The following MORF4L1 variants were observed in gnomAD, a reference collection of about 807,000 sequenced individuals.
MORF4L1 encodes mortality factor 4 like 1, also known as mortality factor 4-like protein 1.
Under a neutral mutation model 52.9 loss-of-function variants are expected in MORF4L1, and 4 were observed. The ratio of observed to expected loss-of-function variants is 0.08; its 90% CI spans 0.04 to 0.17. MORF4L1 has a LOEUF of 0.17. Among genes scored for constraint, MORF4L1 ranks in the 10% least tolerant of loss-of-function variants. The pLI, the probability that MORF4L1 is intolerant of heterozygous loss-of-function variation, is 1.00. For missense variants in MORF4L1, 214 were observed against 390.4 expected, an observed-to-expected ratio of 0.55 and a Z score of 3.81; for synonymous variants, 123 against 134.8, an observed-to-expected ratio of 0.91 and a Z score of 0.61.
rs776004758 is a variant in MORF4L1 at position 78,894,028 on chromosome 15, A to G, written c.630-30A>G. On this transcript the variant is annotated intron_variant, in intron 9 of 11. Coordinates refer to ENST00000426013, the MANE Select transcript of MORF4L1 (RefSeq NM_006791.4). The stretch of plus-strand genomic sequence containing the variant: ...TCTATGTCAGTTATTTTTATTGACC[A>G]GTTTTGGAATATTTTTGTTCATTTA... The G allele has an allele frequency of 5.1e-6, 8 of 1,579,270 alleles. No individual in the cohort carries two copies. The East Asian group carries it at 1.6e-4, about 31-fold the overall frequency.
intron 3 of MORF4L1, chr15:78,885,165 A>G: frequency 1.8e-6 from 2 of 1,132,784 alleles, no homozygotes; most frequent in Non-Finnish European, 2.6e-6. Context: ...TGTATTATAT[A>G]AGAGGTCAGA....
chr15:78,891,466 C>G lies in MORF4L1; in HGVS notation c.350-18C>G. The G allele has an allele frequency of 6.2e-7, 1 of 1,602,496 alleles. No individual in the cohort carries two copies. Among genetic ancestry groups the G allele is most frequent in the South Asian group, 1.1e-5 (1 of 90,826 alleles). ...GTTAAATTAGCTAAATGAGACCCCTCCCCGCCAACATTTACAGCACCTGGA... is the reference window on the plus strand; with the variant it reads ...GTTAAATTAGCTAAATGAGACCCCTGCCCGCCAACATTTACAGCACCTGGA... On this transcript the variant is annotated intron_variant, in intron 6 of 11. Coordinates refer to ENST00000426013, the MANE Select transcript of MORF4L1 (RefSeq NM_006791.4).
chr15:78,873,294 C>G (rs1222825015), intron 1 of MORF4L1: 2 of 1,310,392 alleles, frequency 1.5e-6, no homozygotes, highest in African/African-American at 3.1e-5. Flanking sequence ...GAGCGTTTGG[C>G]GCGTGGCACA....
intron 5 of MORF4L1, chr15:78,890,777 T>G (rs1402593817): frequency 2.7e-6 from 1 of 364,272 alleles, no homozygotes; most frequent in African/African-American, 2.2e-5. Context: ...CCACTGCGCC[T>G]GGCTTGGTTT....
intron 3 of MORF4L1, among the ~76,000 whole-genome samples, chr15:78,883,846 G>C (rs2056645435): frequency 6.6e-6 from 1 of 152,152 alleles, no homozygotes; most frequent in Non-Finnish European, 1.5e-5. Context: ...TGTGTATTTA[G>C]TCTATGTAAG....
intron 3 of MORF4L1, among the ~76,000 whole-genome samples, chr15:78,885,626 TTG>T (rs1469611243): frequency 6.6e-6 from 1 of 152,212 alleles, no homozygotes; most frequent in African/African-American, 2.4e-5. Flanking sequence ...TAGTGTTGTT[TTG>T]TGTCAGGGAT....
chr15:78,875,523 C>G (rs1376235625), intron 1 of MORF4L1, among the ~76,000 whole-genome samples: 1 of 152,128 alleles, frequency 6.6e-6, no homozygotes, highest in African/African-American at 2.4e-5. Flanking sequence ...AATCCCAGCA[C>G]TTTGGGAGGC....
At chr15:78,896,883 G>A (rs891484617) in intron 11 of MORF4L1, 100 bp from the exon 12 acceptor site, 4 of 834,180 alleles carry the variant, frequency 4.8e-6, no homozygotes, top group East Asian at 2.8e-5. Context: ...ATGTATTTTA[G>A]GAAAGTGTTT....
chr15:78,884,088 C>T (rs1055741374), intron 3 of MORF4L1, among the ~76,000 whole-genome samples: 1 of 151,728 alleles, frequency 6.6e-6, no homozygotes, highest in African/African-American at 2.4e-5. Flanking sequence ...CCTGTAATCC[C>T]AGCTAGTTTG....
Position 78,884,659 on chromosome 15 carries a change from ATACACAC to A in MORF4L1, c.156-1481_156-1475del, listed in dbSNP as rs1378981787. ...TGTCTCAAAAAAAAAAAAAAAAAAA[ATACACAC>A]ACACACACACACACACACACAAATA... On this transcript the variant is annotated intron_variant, in intron 3 of 11. Coordinates refer to ENST00000426013, the MANE Select transcript of MORF4L1 (RefSeq NM_006791.4). Among the ~76,000 whole-genome samples, 468 of 62,220 alleles carry A rather than the reference ATACACAC, an allele frequency of 7.5e-3. 13 individuals are homozygous for A. The East Asian group carries it at 0.088, about 12-fold the overall frequency. The allele number at this position is 62,220 out of a possible 152,430, so 40.8% of individuals were successfully genotyped here. A position where few individuals can be genotyped will look rare whatever the true frequency, so the allele number is the denominator to read the frequency against.
intron 3 of MORF4L1, among the ~76,000 whole-genome samples, chr15:78,882,092 G>A (rs772090952): frequency 7.9e-5 from 12 of 152,208 alleles, no homozygotes; most frequent in Non-Finnish European, 1.5e-4. Context: ...TGGAAAGGTA[G>A]AAATCTGAAA....
In MORF4L1 at chr15:78,872,944, G is replaced by A; in HGVS notation, c.-74G>A. ...TGCCTGACGGCGCGTCTGACGCGGA[G>A]TTGGGTGGGGTAGAGAGTAGGGGGC... On this transcript the variant is annotated 5_prime_UTR_variant, in exon 1 of 12. Coordinates refer to ENST00000426013, the MANE Select transcript of MORF4L1 (RefSeq NM_006791.4). The A allele has an allele frequency of 1.3e-6, 2 of 1,520,254 alleles. No homozygotes were observed. Among genetic ancestry groups the A allele is most frequent in the Non-Finnish European group, 1.8e-6 (2 of 1,135,430 alleles). 94.2% of individuals were successfully genotyped at this position (1,520,254 alleles called of 1,614,324 possible). A position where few individuals can be genotyped will look rare whatever the true frequency, so the allele number is the denominator to read the frequency against.
chr15:78,874,068 G>A, intron 1 of MORF4L1: 1 of 152,244 alleles, frequency 6.6e-6, no homozygotes, highest in Non-Finnish European at 1.5e-5. Flanking sequence ...CTGACTCCCA[G>A]TGGAAGGCAG....
chr15:78,896,784 A>G (rs1374964469), intron 11 of MORF4L1, among the ~76,000 whole-genome samples, 199 bp from the exon 12 acceptor site: 1 of 152,134 alleles, frequency 6.6e-6, no homozygotes, highest in Non-Finnish European at 1.5e-5. Context: ...ATTCCTTTGT[A>G]TATGTATAGT....
At position 78,880,537 on chromosome 15, in the gene MORF4L1, A is replaced by G; in HGVS notation, c.113A>G (p.Lys38Arg). 1.9e-6 allele frequency: 3 copies of G among 1,602,484 alleles called. No homozygotes were observed. The highest frequency in any genetic ancestry group is 2.6e-6 in the Non-Finnish European group (3 of 1,174,908). Residue 38 changes from lysine (K) to arginine (R), a missense_variant, in exon 3 of 12, where the codon AAA becomes AGA. Lys to Arg is a conservative substitution (Grantham distance 26). Coordinates refer to ENST00000426013, the MANE Select transcript of MORF4L1 (RefSeq NM_006791.4). ...AKCVKVAIKD[K>R]QVKYFIHYSG... Reference sequence around the variant, plus strand: ...TGTGTAAAGGTTGCCATAAAGGACAAACAAGTGAAATACTTCATACATTAC... The same window carrying G: ...TGTGTAAAGGTTGCCATAAAGGACAGACAAGTGAAATACTTCATACATTAC...
chr15:78,873,032 G>A lies in MORF4L1; in HGVS notation c.15G>A (p.Gln5=), dbSNP rs185623329. ...ATCACTTATAAATGGCGCCGAAGCA[G>A]GACCCGAAGCCTAAATTCCAGGAGG... MAPK[Q]DPKPKFQEGE... is the part of the protein sequence containing the mutation. The change falls in exon 1 of 12, where the codon CAG becomes CAA. Residue 5 remains glutamine (Q), a synonymous_variant. Coordinates refer to ENST00000426013, the MANE Select transcript of MORF4L1 (RefSeq NM_006791.4). 37 of 1,552,882 alleles carry A rather than the reference G, an allele frequency of 2.4e-5. No homozygotes were observed. The East Asian group carries it at 7.7e-4, about 32-fold the overall frequency.
rs1402022725 is a variant in MORF4L1 at position 78,894,981 on chromosome 15, A to G, written c.887+77A>G. 9.4e-6 allele frequency: 11 copies of G among 1,172,366 alleles called. No individual in the cohort carries two copies. In the African/African-American group the frequency reaches 1.5e-4, roughly 16 times the overall value. The allele number at this position is 1,172,366 out of a possible 1,614,324, so 72.6% of individuals were successfully genotyped here. A position where few individuals can be genotyped will look rare whatever the true frequency, so the allele number is the denominator to read the frequency against. On this transcript the variant is annotated intron_variant, in intron 11 of 11. Coordinates refer to ENST00000426013, the MANE Select transcript of MORF4L1 (RefSeq NM_006791.4). ...GGGAGGGATTGGCAGTATAGATGCT[A>G]AAACATTAAACATTATATTGGTACA... is the stretch of plus-strand genomic sequence containing the variant.
At chr15:78,890,728 C>G (rs2056786599) in intron 5 of MORF4L1, 3 of 232,650 alleles carry the variant, frequency 1.3e-5, no homozygotes, top group African/African-American at 4.6e-5. Context: ...AGATCCACCC[C>G]CTCTTCACCT....
In MORF4L1 at chr15:78,897,852, A is replaced by AT. The variant is rs2056915633; in HGVS notation, c.*786dup. 1 of 152,524 alleles carries AT rather than the reference A, an allele frequency of 6.6e-6. No homozygotes were observed. Among genetic ancestry groups the AT allele is most frequent in the African/African-American group, 2.4e-5 (1 of 41,446 alleles). The allele number at this position is 152,524 out of a possible 1,614,324, so 9.4% of individuals were successfully genotyped here. Reference sequence around the variant, plus strand: ...TGTTTTCTGGTATGGCCTTTATGGAATGAGACGCTTTAGCTTTGGTACGTA... The same window carrying AT: ...TGTTTTCTGGTATGGCCTTTATGGAATTGAGACGCTTTAGCTTTGGTACGTA... On this transcript the variant is annotated 3_prime_UTR_variant, in exon 12 of 12. Transcript: ENST00000426013.
Sources: gnomAD v4.1 joint callset for allele counts (sites outside exome capture counted in the v4.1 genomes callset) on GRCh38, gnomAD v4.1.1 for gene constraint, MANE v1.5 for transcripts, NCBI Gene and HGNC (gene_info 2026-07-23, HGNC 2026-07-21) for gene names.